Variants in CCNB3 observed in about 807,000 individuals in gnomAD.
The protein encoded by CCNB3 is cyclin B3.
Under a neutral mutation model 68.0 loss-of-function variants are expected in CCNB3, and 12 were observed. That is an observed-to-expected ratio of 0.18 (90% CI 0.11 to 0.29). The LOEUF is 0.29. CCNB3 is among the 10% of genes least tolerant of loss of function. The pLI is 1.00. For synonymous variants in CCNB3, 354 were observed against 388.9 expected, an observed-to-expected ratio of 0.91 and a Z score of 1.06; for missense variants, 904 against 993.1, an observed-to-expected ratio of 0.91 and a Z score of 1.21.
At chrX:50,302,442 AT>A (rs782249263) in intron 5 of CCNB3, among the ~76,000 whole-genome samples, 9 of 111,503 alleles carry the variant, frequency 8.1e-5, no homozygotes, top group Non-Finnish European at 1.1e-4. Context: ...TTAAGTCTTT[AT>A]TTTTTTTAGT....
chrX:50,279,728 A>G (rs1394118502), intron 1 of CCNB3, among the ~76,000 whole-genome samples: 1 of 90,401 alleles, frequency 1.1e-5, no homozygotes, highest in Non-Finnish European at 2.1e-5. Flanking sequence ...ATATGTAAAT[A>G]TATATGATTA....
intron 1 of CCNB3, among the ~76,000 whole-genome samples, chrX:50,207,502 C>T (rs1357962700): frequency 1.8e-5 from 2 of 111,485 alleles, no homozygotes; most frequent in Admixed American, 9.6e-5. Flanking sequence ...TTAGCAAATG[C>T]CTAATGATAT....
At chrX:50,220,581 C>T (rs1042146710) in intron 1 of CCNB3, among the ~76,000 whole-genome samples, 10 of 111,617 alleles carry the variant, frequency 9.0e-5, no homozygotes, top group South Asian at 3.8e-4. Context: ...TATTGATTTG[C>T]GTATGTTGAC....
At position 50,309,389 on chromosome X, in the gene CCNB3, C is replaced by T; in HGVS notation, c.1220C>T (p.Thr407Ile). The change falls in exon 6 of 13, where the codon ACC becomes ATC. Residue 407 changes from threonine (T) to isoleucine (I), a missense_variant. Thr to Ile is a moderately conservative substitution (Grantham distance 89, BLOSUM62 -1). Transcript: ENST00000376042. ...AAGCCATTAGTATTGCAGGAGATCA[C>T]CTCTGGAGAGAAGTCGCTCATTATG... is the stretch of plus-strand genomic sequence containing the variant. ...RLKPLVLQEI[T>I]SGEKSLIMKP... 8.3e-7 allele frequency: 1 copy of T among 1,211,533 alleles called. No homozygotes were observed. Among genetic ancestry groups the T allele is most frequent in the Non-Finnish European group, 1.1e-6 (1 of 895,437 alleles).
At chrX:50,336,987 C>T (rs936484239) in intron 8 of CCNB3, among the ~76,000 whole-genome samples, 14 of 111,360 alleles carry the variant, frequency 1.3e-4, no homozygotes, top group African/African-American at 2.0e-4. Context: ...TGAGGCTTTT[C>T]GGTGTAAGTT....
At chrX:50,287,921 A>G (rs1346265239) in intron 3 of CCNB3, among the ~76,000 whole-genome samples, 3 of 109,598 alleles carry the variant, frequency 2.7e-5, no homozygotes, top group Non-Finnish European at 5.7e-5. Flanking sequence ...CTCCTGTCAG[A>G]TCAGCAGTGG....
intron 1 of CCNB3, among the ~76,000 whole-genome samples, chrX:50,226,225 A>C (rs1403473492): frequency 4.4e-5 from 3 of 68,222 alleles, no homozygotes; most frequent in African/African-American, 1.9e-4. Context: ...TATATATAGA[A>C]TATATATATT....
At chrX:50,227,272 G>T (rs1395204408) in intron 1 of CCNB3, among the ~76,000 whole-genome samples, 4 of 77,427 alleles carry the variant, frequency 5.2e-5, no homozygotes, top group Non-Finnish European at 9.3e-5. Context: ...TATATATACA[G>T]AATATATATA....
intron 8 of CCNB3, among the ~76,000 whole-genome samples, chrX:50,336,102 G>A (rs1922837358): frequency 8.9e-6 from 1 of 111,802 alleles, no homozygotes; most frequent in Admixed American, 9.5e-5. Context: ...GCTCCTTGGG[G>A]GCGCTTGAGC....
At chrX:50,209,647 C>T (rs1160467342) in intron 1 of CCNB3, among the ~76,000 whole-genome samples, 4 of 112,198 alleles carry the variant, frequency 3.6e-5, no homozygotes, top group Non-Finnish European at 7.5e-5. Flanking sequence ...TGAGCCACTG[C>T]GCCTGGCCCA....
intron 4 of CCNB3, among the ~76,000 whole-genome samples, chrX:50,292,220 A>G (rs1008140666): frequency 9.0e-6 from 1 of 111,065 alleles, no homozygotes; most frequent in African/African-American, 3.3e-5. Flanking sequence ...TGACCTTATA[A>G]CAACCTTTAT....
intron 1 of CCNB3, among the ~76,000 whole-genome samples, chrX:50,211,687 G>T (rs1935485682): frequency 9.0e-6 from 1 of 111,317 alleles, no homozygotes; most frequent in Non-Finnish European, 1.9e-5. Flanking sequence ...TCAGGATGAT[G>T]AATCGGGGTA....
chrX:50,284,919 G>A (rs1936207988), intron 2 of CCNB3, among the ~76,000 whole-genome samples: 1 of 111,553 alleles, frequency 9.0e-6, no homozygotes, highest in South Asian at 3.8e-4. Context: ...CCATTTTACA[G>A]ATGAGGTAAC....
At chrX:50,223,258 C>A in intron 1 of CCNB3, among the ~76,000 whole-genome samples, 1 of 111,341 alleles carries the variant, frequency 9.0e-6, no homozygotes, top group Admixed American at 9.6e-5. Flanking sequence ...CTGAAGCCTA[C>A]TTCTGTCAAA....
At chrX:50,326,421 T>G (rs1180164792) in intron 8 of CCNB3, among the ~76,000 whole-genome samples, 1 of 112,051 alleles carries the variant, frequency 8.9e-6, no homozygotes, top group East Asian at 2.8e-4. Flanking sequence ...AGATAAATTT[T>G]TATCTTTTAT....
chrX:50,226,236 T>G (rs1362929566), intron 1 of CCNB3, among the ~76,000 whole-genome samples: 1 of 65,006 alleles, frequency 1.5e-5, no homozygotes, highest in African/African-American at 6.6e-5. Flanking sequence ...TATATATATT[T>G]ATATATATAG....
At chrX:50,205,369 G>A (rs1935339104) in intron 1 of CCNB3, among the ~76,000 whole-genome samples, 1 of 111,971 alleles carries the variant, frequency 8.9e-6, no homozygotes, top group Non-Finnish European at 1.9e-5. Flanking sequence ...TTGAAACTGG[G>A]AGGCAGAGTT....
chrX:50,279,768 A>T (rs1354714079), intron 1 of CCNB3, among the ~76,000 whole-genome samples: 3,167 of 88,920 alleles, frequency 0.036, 159 homozygotes, highest in African/African-American at 0.12. Context: ...ATATATATGA[A>T]TATGTATATT....
intron 8 of CCNB3, among the ~76,000 whole-genome samples, chrX:50,323,958 T>C (rs1298216346): frequency 8.9e-6 from 1 of 112,663 alleles, no homozygotes; most frequent in African/African-American, 3.2e-5. Context: ...ATAATAACAA[T>C]GGCTATTGGC....
Sources: allele counts gnomAD v4.1 joint callset (sites outside exome capture counted in the v4.1 genomes callset), GRCh38; gene constraint gnomAD v4.1.1; transcripts MANE v1.5; gene names NCBI Gene and HGNC (gene_info 2026-07-23, HGNC 2026-07-21).